Variants in LDLRAD4 observed in about 807,000 individuals in gnomAD.
The protein encoded by LDLRAD4 is low-density lipoprotein receptor class A domain-containing protein 4.
In LDLRAD4, 5 loss-of-function variants were observed where a neutral mutation model predicts 17.0. That is an observed-to-expected ratio of 0.29 (90% CI 0.15 to 0.62). The LOEUF is 0.62. LDLRAD4 is among the 20% of genes least tolerant of loss of function. LDLRAD4 has a pLI of 0.84. For synonymous variants in LDLRAD4, 168 were observed against 171.8 expected, an observed-to-expected ratio of 0.98 and a Z score of 0.17; for missense variants, 340 against 424.7, an observed-to-expected ratio of 0.80 and a Z score of 1.75.
intron 1 of LDLRAD4, among the ~76,000 whole-genome samples, chr18:13,375,036 C>T (rs781307844): frequency 5.3e-5 from 8 of 152,216 alleles, no homozygotes; most frequent in Admixed American, 6.5e-5. Context: ...TATCTTTACC[C>T]GGTTTTTGGC....
At chr18:13,248,642 C>T (rs1680857480) in intron 1 of LDLRAD4, among the ~76,000 whole-genome samples, 1 of 152,192 alleles carries the variant, frequency 6.6e-6, no homozygotes, top group South Asian at 2.1e-4. Flanking sequence ...TAAAAATGGA[C>T]ACATAATAAT....
At chr18:13,245,050 G>T (rs1010214883) in intron 1 of LDLRAD4, among the ~76,000 whole-genome samples, 1 of 152,082 alleles carries the variant, frequency 6.6e-6, no homozygotes, top group Non-Finnish European at 1.5e-5. Flanking sequence ...TATTATGGTC[G>T]ACTGCACCCT....
At chr18:13,466,655 A>G (rs2092627707) in intron 3 of LDLRAD4, among the ~76,000 whole-genome samples, 1 of 152,212 alleles carries the variant, frequency 6.6e-6, no homozygotes, top group Admixed American at 6.5e-5. Flanking sequence ...GATAAAAGGC[A>G]TGTCCTCGTC....
At chr18:13,372,288 T>C (rs937255155) in intron 1 of LDLRAD4, among the ~76,000 whole-genome samples, 5 of 152,194 alleles carry the variant, frequency 3.3e-5, no homozygotes, top group African/African-American at 1.2e-4. Context: ...CACAGTTGCC[T>C]TGGGGGTACA....
At chr18:13,435,741 C>T (rs1600249035) in intron 2 of LDLRAD4, among the ~76,000 whole-genome samples, 1 of 152,118 alleles carries the variant, frequency 6.6e-6, no homozygotes, top group East Asian at 1.9e-4. Context: ...GTCACTGTAC[C>T]CAGCTGAATT....
At chr18:13,291,734 G>A (rs912086600) in intron 1 of LDLRAD4, among the ~76,000 whole-genome samples, 1 of 152,162 alleles carries the variant, frequency 6.6e-6, no homozygotes, top group African/African-American at 2.4e-5. Context: ...ACGAAGCAAT[G>A]TTTCTGAGGA....
At chr18:13,443,000 A>C (rs1459637117) in intron 3 of LDLRAD4, among the ~76,000 whole-genome samples, 2 of 152,118 alleles carry the variant, frequency 1.3e-5, no homozygotes, top group Non-Finnish European at 2.9e-5. Context: ...CTGCTACTGG[A>C]GGGTTGGGAG....
intron 1 of LDLRAD4, among the ~76,000 whole-genome samples, chr18:13,324,246 T>C (rs1028729482): frequency 1.3e-5 from 2 of 149,688 alleles, no homozygotes; most frequent in African/African-American, 4.9e-5. Flanking sequence ...CACACCATTC[T>C]CCTGCCTCAG....
intron 3 of LDLRAD4, among the ~76,000 whole-genome samples, chr18:13,563,988 C>A (rs777094983): frequency 1.3e-5 from 2 of 152,214 alleles, no homozygotes; most frequent in Admixed American, 1.3e-4. Context: ...TCACTGCAGC[C>A]TCAACCTCCT....
intron 1 of LDLRAD4, among the ~76,000 whole-genome samples, chr18:13,349,032 G>A (rs1040011640): frequency 6.6e-6 from 1 of 152,178 alleles, no homozygotes; most frequent in African/African-American, 2.4e-5. Flanking sequence ...CAGGTGAGGC[G>A]ATGCCTCGCC....
At chr18:13,254,478 C>T (rs889642181) in intron 1 of LDLRAD4, among the ~76,000 whole-genome samples, 3 of 152,172 alleles carry the variant, frequency 2.0e-5, no homozygotes, top group Non-Finnish European at 4.4e-5. Context: ...GAGAATCCCG[C>T]CTCTTCAAGG....
intron 3 of LDLRAD4, among the ~76,000 whole-genome samples, chr18:13,571,539 A>G (rs531458527): frequency 1.3e-5 from 2 of 152,322 alleles, no homozygotes; most frequent in Admixed American, 1.3e-4. Flanking sequence ...CTTTAAGCTC[A>G]CGCATGATGG....
At position 13,454,862 on chromosome 18, in the gene LDLRAD4, G is replaced by A. The variant is rs1017186429; in HGVS notation, c.181+16478G>A. Among the ~76,000 whole-genome samples the A allele has an allele frequency of 2.6e-5, 4 of 152,260 alleles. No homozygotes were observed. The East Asian group carries it at 7.7e-4, about 29-fold the overall frequency. ...ATCAGACCACTCCAAGCCCTCAGCA[G>A]CAGCCTTGGTCCTGATGTGTTCATT... On this transcript the variant is annotated intron_variant, in intron 3 of 5. Transcript: ENST00000359446.
At chr18:13,649,106 G>C (rs539549274) in exon 6 of LDLRAD4, 1 of 152,138 alleles carries the variant, frequency 6.6e-6, no homozygotes, top group South Asian at 2.1e-4. Flanking sequence ...AAGATTTATC[G>C]TGAGGACTGC....
intron 1 of LDLRAD4, among the ~76,000 whole-genome samples, chr18:13,306,867 T>C (rs1027798671): frequency 4.6e-5 from 7 of 152,026 alleles, no homozygotes; most frequent in Admixed American, 2.6e-4. Flanking sequence ...TTTCAAGATA[T>C]GGATCTTGGA....
At chr18:13,459,433 G>T (rs1308184248) in intron 3 of LDLRAD4, among the ~76,000 whole-genome samples, 1 of 151,550 alleles carries the variant, frequency 6.6e-6, no homozygotes, top group Non-Finnish European at 1.5e-5. Context: ...GCCCAGGCTG[G>T]AGTGCAGTGT....
At chr18:13,608,349 AG>A (rs139237524) in intron 3 of LDLRAD4, among the ~76,000 whole-genome samples, 226 of 122,840 alleles carry the variant, frequency 1.8e-3, no homozygotes, top group African/African-American at 6.6e-3. Context: ...AGGCAACTGG[AG>A]GGGGAGGCAG....
intron 1 of LDLRAD4, among the ~76,000 whole-genome samples, chr18:13,322,180 A>G (rs7242024): frequency 0.38 from 58,260 of 151,500 alleles, 11,501 homozygotes; most frequent in African/African-American, 0.48. Flanking sequence ...AATTGTCTAC[A>G]TTATCCCTTC....
chr18:13,554,039 A>G (rs2094460607), intron 3 of LDLRAD4, among the ~76,000 whole-genome samples: 1 of 152,160 alleles, frequency 6.6e-6, no homozygotes, highest in Non-Finnish European at 1.5e-5. Flanking sequence ...ATAGCATTTA[A>G]TCACATGATC....
Sources: gnomAD v4.1 joint callset for allele counts (sites outside exome capture counted in the v4.1 genomes callset) on GRCh38, gnomAD v4.1.1 for gene constraint, MANE v1.5 for transcripts, NCBI Gene and HGNC (gene_info 2026-07-23, HGNC 2026-07-21) for gene names.